The following NFIX variants were observed in gnomAD, a reference collection of about 807,000 sequenced individuals.
NFIX encodes nuclear factor 1 X-type.
NFIX carries 2 observed loss-of-function variants against 53.3 expected under a neutral mutation model. That is an observed-to-expected ratio of 0.04 (90% CI 0.02 to 0.12). The LOEUF (loss-of-function observed/expected upper bound fraction) is 0.12. Among genes scored for constraint, NFIX ranks in the 10% least tolerant of loss-of-function variants. NFIX has a pLI of 1.00. For missense variants in NFIX, 310 were observed against 674.5 expected (o/e 0.46, Z 5.99); for synonymous variants, 244 against 289.0 (o/e 0.84, Z 1.58).
intron 8 of NFIX, among the ~76,000 whole-genome samples, chr19:13,087,492 G>C (rs1008419467): frequency 6.6e-6 from 1 of 152,094 alleles, no homozygotes; most frequent in African/African-American, 2.4e-5. Flanking sequence ...GACATGTTGT[G>C]GGGTGGGTGC....
intron 8 of NFIX, among the ~76,000 whole-genome samples, chr19:13,082,976 C>A (rs954738307): frequency 6.6e-6 from 1 of 152,190 alleles, no homozygotes; most frequent in African/African-American, 2.4e-5. Flanking sequence ...GCGGCGGGGC[C>A]GTGGCTCCGC....
In NFIX at chr19:13,090,912, T is replaced by C. The variant is rs2018098767; in HGVS notation, c.1494+522T>C. Among the ~76,000 whole-genome samples, 1 of 152,120 alleles carries C rather than the reference T, an allele frequency of 6.6e-6. No individual in the cohort carries two copies. Among genetic ancestry groups the C allele is most frequent in the Admixed American group, 6.5e-5 (1 of 15,284 alleles). On this transcript the variant is annotated intron_variant, in intron 10 of 10. Coordinates refer to ENST00000592199, the MANE Select transcript of NFIX (RefSeq NM_001365902.3). This position sits in a 1 kb window ranked among gnomAD's most constrained non-coding sequence, Gnocchi z 6.6. ...ACCCTAGAGGCCCCTCACCCAAGTCTCCAGGAGTCCTGTTAGGGAGAAGGC... is the reference window on the plus strand; with the variant it reads ...ACCCTAGAGGCCCCTCACCCAAGTCCCCAGGAGTCCTGTTAGGGAGAAGGC...
chr19:13,084,916 A>G (rs933507187), intron 8 of NFIX, among the ~76,000 whole-genome samples: 1 of 151,930 alleles, frequency 6.6e-6, no homozygotes, highest in Non-Finnish European at 1.5e-5. Flanking sequence ...CTAAAAATAC[A>G]AAAATTAGCC....
At position 13,011,596 on chromosome 19, in the gene NFIX, T is replaced by TA. The variant is rs914008470; in HGVS notation, c.28-13424dup. 6.6e-5 allele frequency among the ~76,000 whole-genome samples: 10 copies of TA among 152,078 alleles called. No individual in the cohort carries two copies. The highest frequency in any genetic ancestry group is 4.6e-4 in the Admixed American group (7 of 15,284). ...CCACTGCCCAATCATAGCTCTTTGATATCCCAGCCCGGCTGGAGAAAGTTA... is the reference window on the plus strand; with the variant it reads ...CCACTGCCCAATCATAGCTCTTTGATAATCCCAGCCCGGCTGGAGAAAGTTA... On this transcript the variant is annotated intron_variant, in intron 1 of 10. Transcript: ENST00000592199. This position sits in a 1 kb window ranked among gnomAD's most constrained non-coding sequence, Gnocchi z 6.5.
rs142262293 is a variant in NFIX, at chr19:13,056,066, G to A, written c.560-16981G>A. Among the ~76,000 whole-genome samples, 17 of 152,310 alleles carry A rather than the reference G, an allele frequency of 1.1e-4. No homozygotes were observed. In the East Asian group the frequency reaches 2.5e-3, roughly 23 times the overall value. On this transcript the variant is annotated intron_variant, in intron 2 of 10. Coordinates refer to ENST00000592199, the MANE Select transcript of NFIX (RefSeq NM_001365902.3). ...AAAGCAACGAGCTAGCAGGCTTGGG[G>A]TCCTAATGAGAAAATTGCTTCCAGC...
chr19:13,077,893 C>A (rs1274805255), intron 6 of NFIX, among the ~76,000 whole-genome samples: 1 of 152,216 alleles, frequency 6.6e-6, no homozygotes, highest in Non-Finnish European at 1.5e-5. Flanking sequence ...ATGCTGAATG[C>A]CACCCACACC....
Position 13,072,963 on chromosome 19 carries a change from A to G in NFIX, c.560-84A>G. ...CAGGGTGGGCCGTCCCTGCTCTTGC[A>G]CCAGGCTGGAGGGGCCAATGCTTGG... On this transcript the variant is annotated intron_variant, in intron 2 of 10. Transcript: ENST00000592199. This position sits in a 1 kb window ranked among gnomAD's most constrained non-coding sequence, Gnocchi z 4.0. 3 of 1,354,236 alleles carry G rather than the reference A, an allele frequency of 2.2e-6. No individual in the cohort carries two copies. In the Admixed American group the frequency reaches 5.0e-5, roughly 23 times the overall value. The allele number at this position is 1,354,236 out of a possible 1,614,324, so 83.9% of individuals were successfully genotyped here. A position where few individuals can be genotyped will look rare whatever the true frequency, so the allele number is the denominator to read the frequency against.
intron 2 of NFIX, among the ~76,000 whole-genome samples, chr19:13,063,028 G>A (rs1413804410): frequency 1.3e-5 from 2 of 152,318 alleles, no homozygotes; most frequent in East Asian, 1.9e-4. Context: ...TCCAAGGAAA[G>A]GGAACAGTGG....
chr19:13,007,708 C>T (rs909349651), intron 1 of NFIX, among the ~76,000 whole-genome samples: 8 of 152,136 alleles, frequency 5.3e-5, no homozygotes, highest in African/African-American at 1.9e-4. Context: ...ATGCCCTCCC[C>T]CCCACCCCAC....
At chr19:13,039,031 A>G (rs560153798) in intron 2 of NFIX, among the ~76,000 whole-genome samples, 140 of 152,288 alleles carry the variant, frequency 9.2e-4, no homozygotes, top group South Asian at 4.6e-3. Context: ...CACAAAGGCC[A>G]TTGCTCCATG....
rs894681979 is a variant in NFIX, at chr19:13,089,192, G to T, written c.1402+1056G>T. 7.2e-5 allele frequency among the ~76,000 whole-genome samples: 11 copies of T among 152,328 alleles called. No homozygotes were observed. Among genetic ancestry groups the T allele is most frequent in the South Asian group, 2.1e-4 (1 of 4,824 alleles). ...CACAGTCATTGGAGGTGGGCAGGGT[G>T]GGGGATGGGAGCTGGGCTACAGGGT... On this transcript the variant is annotated intron_variant, in intron 9 of 10. Transcript: ENST00000592199. This position sits in a 1 kb window ranked among gnomAD's most constrained non-coding sequence, Gnocchi z 4.8.
chr19:13,067,916 T>G lies in NFIX; in HGVS notation c.560-5131T>G, dbSNP rs2016523994. ...GTCAGGAGATCGAGACCATCCTGGC[T>G]AACACTGTGAAACCCTGTCTCTTCT... On this transcript the variant is annotated intron_variant, in intron 2 of 10. Transcript: ENST00000592199. This position sits in a 1 kb window ranked among gnomAD's most constrained non-coding sequence, Gnocchi z 4.2. Among the ~76,000 whole-genome samples the G allele has an allele frequency of 6.6e-6, 1 of 151,976 alleles. No homozygotes were observed. The highest frequency in any genetic ancestry group is 2.1e-4 in the South Asian group (1 of 4,812).
chr19:13,082,023 G>T (rs1186958667), intron 8 of NFIX, 168 bp downstream of exon 8: 3 of 718,154 alleles, frequency 4.2e-6, no homozygotes, highest in African/African-American at 3.6e-5. Context: ...TGGGGACGGG[G>T]GTCTGTGTAT....
intron 10 of NFIX, among the ~76,000 whole-genome samples, chr19:13,091,400 CA>C (rs57370192): frequency 0.027 from 1,571 of 57,184 alleles, 16 homozygotes; most frequent in African/African-American, 0.081. Flanking sequence ...TTCCTTCCCT[CA>C]AAAAAAAAAA....
intron 6 of NFIX, among the ~76,000 whole-genome samples, chr19:13,077,145 A>G (rs559515239): frequency 1.3e-5 from 2 of 152,196 alleles, no homozygotes; most frequent in East Asian, 1.9e-4. Flanking sequence ...GGGTGCATAG[A>G]GGACTGTGTC....
rs773548748 is a variant in NFIX, at chr19:12,995,874, G to A, written c.27+10G>A. On this transcript the variant is annotated intron_variant, in intron 1 of 10. Transcript: ENST00000592199. The stretch of plus-strand genomic sequence containing the variant: ...GTACTGCCTCACCCAGGTACCGGCC[G>A]CCGCCCCCGCGCGACCGGGGGAGGG... The A allele has an allele frequency of 7.7e-5, 75 of 976,502 alleles. 1 individual carries two copies. The highest frequency in any genetic ancestry group is 7.3e-4 in the South Asian group (16 of 21,942). The allele number at this position is 976,502 out of a possible 1,614,324, so 60.5% of individuals were successfully genotyped here.
At chr19:13,063,017 T>G (rs753026041) in intron 2 of NFIX, among the ~76,000 whole-genome samples, 2 of 152,160 alleles carry the variant, frequency 1.3e-5, no homozygotes, top group Non-Finnish European at 2.9e-5. Context: ...GGATGGATTC[T>G]TCCAAGGAAA....
Position 13,088,614 on chromosome 19 carries a change from C to T in NFIX, c.1402+478C>T, listed in dbSNP as rs1189995741. The stretch of plus-strand genomic sequence containing the variant: ...ACCACCATCCCCTTTTTGCCTTGCC[C>T]CTCACCTCCATCCCTGGGCCCTTGG... On this transcript the variant is annotated intron_variant, in intron 9 of 10. Transcript: ENST00000592199. This position sits in a 1 kb window ranked among gnomAD's most constrained non-coding sequence, Gnocchi z 5.9. Among the ~76,000 whole-genome samples, 3 of 151,904 alleles carry T rather than the reference C, an allele frequency of 2.0e-5. No individual in the cohort carries two copies. Among genetic ancestry groups the T allele is most frequent in the Non-Finnish European group, 2.9e-5 (2 of 67,952 alleles).
chr19:13,023,805 C>T (rs1337501294), intron 1 of NFIX, among the ~76,000 whole-genome samples: 7 of 149,206 alleles, frequency 4.7e-5, no homozygotes, highest in Non-Finnish European at 3.0e-5. Flanking sequence ...TAATTTCCCC[C>T]TTCTGTGCAA....
Sources: allele counts gnomAD v4.1 joint callset (sites outside exome capture counted in the v4.1 genomes callset), GRCh38; gene constraint gnomAD v4.1.1; non-coding constraint Gnocchi (gnomAD v3.1); transcripts MANE v1.5; gene names NCBI Gene and HGNC (gene_info 2026-07-23, HGNC 2026-07-21).